Variants in MYT1L observed in about 807,000 individuals in gnomAD.
The protein encoded by MYT1L is myelin transcription factor 1-like protein.
Under a neutral mutation model 126.7 loss-of-function variants are expected in MYT1L, and 12 were observed. The ratio of observed to expected loss-of-function variants is 0.09; its 90% CI spans 0.06 to 0.15. The LOEUF (loss-of-function observed/expected upper bound fraction) is 0.15. MYT1L is among the 10% of genes least tolerant of loss of function. The pLI is 1.00. For missense variants in MYT1L, 979 were observed against 1,585.2 expected, an observed-to-expected ratio of 0.62 and a Z score of 6.49; for synonymous variants, 541 against 604.2, an observed-to-expected ratio of 0.90 and a Z score of 1.53.
intron 3 of MYT1L, among the ~76,000 whole-genome samples, chr2:2,061,585 C>T (rs1348795332): frequency 2.6e-5 from 4 of 152,094 alleles, no homozygotes; most frequent in Non-Finnish European, 5.9e-5. Flanking sequence ...GGAAGAGGGA[C>T]GCTGAAGAAC....
chr2:1,971,017 A>T (rs1299931593), intron 8 of MYT1L, among the ~76,000 whole-genome samples: 1 of 152,086 alleles, frequency 6.6e-6, no homozygotes, highest in Non-Finnish European at 1.5e-5. Context: ...GGAATTATTT[A>T]AAAAATATAT....
At chr2:1,857,677 A>G (rs1420574758) in intron 18 of MYT1L, among the ~76,000 whole-genome samples, 2 of 152,184 alleles carry the variant, frequency 1.3e-5, no homozygotes, top group Non-Finnish European at 2.9e-5. Flanking sequence ...GGCCTTACCT[A>G]TAGGAGAAAA....
intron 1 of MYT1L, among the ~76,000 whole-genome samples, chr2:2,309,383 T>G (rs1205588259): frequency 6.6e-6 from 1 of 151,920 alleles, no homozygotes; most frequent in Non-Finnish European, 1.5e-5. Context: ...TTCAGTATAC[T>G]CTGTCTATCC....
intron 5 of MYT1L, among the ~76,000 whole-genome samples, chr2:1,989,386 C>T (rs533285301): frequency 7.6e-4 from 115 of 152,226 alleles, no homozygotes; most frequent in African/African-American, 2.5e-3. Context: ...AAACCCAGCC[C>T]AGGAGCTGCA....
At position 1,892,216 on chromosome 2, in the gene MYT1L, T is replaced by A; in HGVS notation, c.2104A>T (p.Asn702Tyr). ...CTGCTGCCCCCGCCGCAGCTCAGGT[T>A]GCTGCTGCTGCTGGGCGCGTAGCTG... ...TSSYAPSSSS[N>Y]LSCGGGSSAS... Residue 702 changes from asparagine (N) to tyrosine (Y), a missense_variant, in exon 15 of 25, where the codon AAC becomes TAC. By Grantham distance (143) the Asn-to-Tyr change is moderately radical. Coordinates refer to ENST00000647738, the MANE Select transcript of MYT1L (RefSeq NM_001303052.2). The A allele has an allele frequency of 1.3e-6, 2 of 1,546,590 alleles. No homozygotes were observed. The highest frequency in any genetic ancestry group is 1.7e-6 in the Non-Finnish European group (2 of 1,143,878).
chr2:2,043,983 T>G (rs1204206690), intron 4 of MYT1L, among the ~76,000 whole-genome samples: 1 of 152,162 alleles, frequency 6.6e-6, no homozygotes, highest in East Asian at 1.9e-4. Flanking sequence ...CATTTGTTTT[T>G]TGAAAAAAAA....
intron 4 of MYT1L, among the ~76,000 whole-genome samples, chr2:2,012,375 G>A (rs913212921): frequency 9.2e-5 from 14 of 152,190 alleles, no homozygotes; most frequent in East Asian, 1.9e-4. Flanking sequence ...ACACGGCCAC[G>A]TCTAATGATT....
At chr2:2,088,452 G>A (rs1351572126) in intron 3 of MYT1L, among the ~76,000 whole-genome samples, 1 of 152,106 alleles carries the variant, frequency 6.6e-6, no homozygotes, top group African/African-American at 2.4e-5. Context: ...TAAACTCACA[G>A]TAGGCTGTTG....
chr2:2,010,350 C>T (rs1480853117), intron 4 of MYT1L, among the ~76,000 whole-genome samples: 5 of 152,094 alleles, frequency 3.3e-5, no homozygotes, highest in Non-Finnish European at 7.4e-5. Context: ...ATGTCTGAAG[C>T]TGCAAGTCTG....
intron 8 of MYT1L, among the ~76,000 whole-genome samples, chr2:1,952,802 TCCCTCCCTCCCTTCCTCTC>T: frequency 3.6e-5 from 2 of 54,894 alleles, no homozygotes; most frequent in Non-Finnish European, 6.6e-5. Flanking sequence ...CCTCCTTCTC[TCCCTCCCTCCCTTCCTCTC>T]TCCCTCCCTC....
intron 4 of MYT1L, among the ~76,000 whole-genome samples, chr2:2,031,939 C>G (rs1182022510): frequency 7.1e-6 from 1 of 140,112 alleles, no homozygotes; most frequent in Non-Finnish European, 1.5e-5. Context: ...TGGCTCAGAG[C>G]AGATTCTAGA....
At chr2:2,111,168 A>T (rs2079400919) in intron 3 of MYT1L, among the ~76,000 whole-genome samples, 1 of 152,174 alleles carries the variant, frequency 6.6e-6, no homozygotes, top group African/African-American at 2.4e-5. Context: ...GCGTCAGCAC[A>T]GCCTAGCCCT....
intron 3 of MYT1L, among the ~76,000 whole-genome samples, chr2:2,129,166 G>A (rs1373595546): frequency 6.6e-6 from 1 of 152,212 alleles, no homozygotes; most frequent in African/African-American, 2.4e-5. Context: ...ATGTGGTGAT[G>A]CAGCAGATGC....
At chr2:2,139,756 G>A (rs747693058) in intron 3 of MYT1L, among the ~76,000 whole-genome samples, 11 of 152,164 alleles carry the variant, frequency 7.2e-5, no homozygotes, top group Non-Finnish European at 1.2e-4. Context: ...AGACTGAGTA[G>A]AACAGAATCA....
At chr2:2,005,286 T>C (rs2063128426) in intron 4 of MYT1L, among the ~76,000 whole-genome samples, 1 of 150,190 alleles carries the variant, frequency 6.7e-6, no homozygotes, top group South Asian at 2.1e-4. Flanking sequence ...GTGCCTTCTT[T>C]CCTGCAGGCG....
intron 2 of MYT1L, among the ~76,000 whole-genome samples, chr2:2,195,389 A>G (rs2092757951): frequency 6.6e-6 from 1 of 152,232 alleles, no homozygotes; most frequent in African/African-American, 2.4e-5. Context: ...GTAATAAACC[A>G]TGGCTTTGAA....
chr2:1,791,178 T>G lies in MYT1L; in HGVS notation c.*689A>C, dbSNP rs1287295338. 1.1e-5 allele frequency: 5 copies of G among 465,002 alleles called. No individual in the cohort carries two copies. Among genetic ancestry groups the G allele is most frequent in the Non-Finnish European group, 2.2e-5 (5 of 225,796 alleles). The allele number at this position is 465,002 out of a possible 1,614,324, so 28.8% of individuals were successfully genotyped here. A position where few individuals can be genotyped will look rare whatever the true frequency, so the allele number is the denominator to read the frequency against. ...TGATGTTGTCTTACAATAAATTACT[T>G]ATTTCATTTCTTACAGTTAATCCAT... On this transcript the variant is annotated 3_prime_UTR_variant, in exon 25 of 25. Coordinates refer to ENST00000647738, the MANE Select transcript of MYT1L (RefSeq NM_001303052.2). The surrounding 1 kb of genome is among the most constrained non-coding windows in gnomAD (Gnocchi z 6.0).
At chr2:2,243,629 C>G (rs2094477693) in intron 2 of MYT1L, among the ~76,000 whole-genome samples, 2 of 152,114 alleles carry the variant, frequency 1.3e-5, no homozygotes, top group African/African-American at 4.8e-5. Context: ...AGAAAAGTAG[C>G]TGGGAAGCCA....
At chr2:1,823,992 C>T (rs1258198437) in intron 21 of MYT1L, among the ~76,000 whole-genome samples, 3 of 138,190 alleles carry the variant, frequency 2.2e-5, no homozygotes, top group Non-Finnish European at 4.6e-5. Flanking sequence ...GGGATGAGGC[C>T]GCGCCTCCCC....
Sources: allele counts gnomAD v4.1 joint callset (sites outside exome capture counted in the v4.1 genomes callset), GRCh38; gene constraint gnomAD v4.1.1; non-coding constraint Gnocchi (gnomAD v3.1); transcripts MANE v1.5; gene names NCBI Gene and HGNC (gene_info 2026-07-23, HGNC 2026-07-21).